CRTC1: variants seen among roughly 807,000 people sequenced by gnomAD.
The protein encoded by CRTC1 is CREB regulated transcription coactivator 1.
A neutral mutation model predicts 66.1 loss-of-function variants in CRTC1; 18 were observed. The observed-to-expected ratio is 0.27, with a 90% CI of 0.19 to 0.40. The LOEUF is 0.40. Ranked by LOEUF, CRTC1 falls within the 10% of genes least tolerant of loss-of-function variation. The probability of loss-of-function intolerance (pLI) is 1.00; values close to 1 mark genes in which losing one functional copy is unlikely to be tolerated. For missense variants in CRTC1, 669 were observed against 887.9 expected (o/e 0.75, Z 3.13); for synonymous variants, 416 against 398.8 (o/e 1.04, Z -0.51).
At chr19:18,743,291 C>T (rs1337305793) in intron 2 of CRTC1, among the ~76,000 whole-genome samples, 2 of 152,380 alleles carry the variant, frequency 1.3e-5, no homozygotes, top group Middle Eastern at 3.4e-3. Context: ...ACCTGTTGGC[C>T]GGCTGTGCGG....
At chr19:18,700,653 G>A (rs554131632) in intron 1 of CRTC1, among the ~76,000 whole-genome samples, 4 of 152,346 alleles carry the variant, frequency 2.6e-5, no homozygotes, top group African/African-American at 9.6e-5. Context: ...CATGCCAGCT[G>A]GTCATTCGCC....
intron 6 of CRTC1, among the ~76,000 whole-genome samples, chr19:18,755,254 G>A (rs189076834): frequency 1.3e-5 from 2 of 152,174 alleles, no homozygotes; most frequent in Non-Finnish European, 2.9e-5. Context: ...CTCCCAAAGT[G>A]CTGGGATGAC....
intron 1 of CRTC1, among the ~76,000 whole-genome samples, chr19:18,694,444 C>CT (rs2052935489): frequency 6.6e-6 from 1 of 152,070 alleles, no homozygotes; most frequent in African/African-American, 2.4e-5. Context: ...CCATTTATTC[C>CT]TTTTTTGTGG....
chr19:18,721,225 G>A (rs1251671968), intron 1 of CRTC1, among the ~76,000 whole-genome samples: 5 of 142,380 alleles, frequency 3.5e-5, no homozygotes, highest in Admixed American at 1.5e-4. Context: ...ACGGAGTCTC[G>A]CTCTGTCGTC....
intron 1 of CRTC1, among the ~76,000 whole-genome samples, chr19:18,708,619 G>A (rs2053317756): frequency 6.6e-6 from 1 of 152,184 alleles, no homozygotes; most frequent in South Asian, 2.1e-4. Context: ...GCGGCACTTG[G>A]GAGTTAGCTG....
At chr19:18,756,825 A>G (rs1315875254) in intron 6 of CRTC1, among the ~76,000 whole-genome samples, 2 of 152,142 alleles carry the variant, frequency 1.3e-5, no homozygotes, top group Admixed American at 1.3e-4. Context: ...TCAGAAATCC[A>G]TTAATGTCTC....
chr19:18,718,492 A>T (rs1362031682), intron 1 of CRTC1, among the ~76,000 whole-genome samples: 1 of 149,382 alleles, frequency 6.7e-6, no homozygotes, highest in East Asian at 2.0e-4. Context: ...GTGCACCACC[A>T]TGCATGCCTG....
chr19:18,733,571 T>G (rs1363047901), intron 1 of CRTC1, among the ~76,000 whole-genome samples: 1 of 152,206 alleles, frequency 6.6e-6, no homozygotes, highest in Non-Finnish European at 1.5e-5. Context: ...CAGCCTGGAA[T>G]CCACGTGCCC....
intron 1 of CRTC1, among the ~76,000 whole-genome samples, chr19:18,725,788 A>G (rs776113075): frequency 2.6e-5 from 4 of 151,972 alleles, no homozygotes; most frequent in Non-Finnish European, 5.9e-5. Context: ...CACAGCCTGC[A>G]TGGTCTCCCT....
intron 11 of CRTC1, among the ~76,000 whole-genome samples, chr19:18,774,538 G>A (rs889321336): frequency 2.0e-5 from 3 of 152,170 alleles, no homozygotes; most frequent in Non-Finnish European, 4.4e-5. Flanking sequence ...GGCACTTCCC[G>A]CCTTGGCCCT....
chr19:18,758,843 T>C (rs1304691574), intron 6 of CRTC1, among the ~76,000 whole-genome samples: 1 of 152,186 alleles, frequency 6.6e-6, no homozygotes, highest in Non-Finnish European at 1.5e-5. Flanking sequence ...TGGTGGGCAC[T>C]GGACAGAGGC....
chr19:18,736,913 G>T (rs2054009016), intron 1 of CRTC1, among the ~76,000 whole-genome samples: 2 of 152,170 alleles, frequency 1.3e-5, no homozygotes, highest in Non-Finnish European at 2.9e-5. Flanking sequence ...TGCAGAGCGA[G>T]CCCCAGGAAG....
At position 18,777,272 on chromosome 19, in the gene CRTC1, G is replaced by A; in HGVS notation, c.1795G>A (p.Glu599Lys). 3.1e-6 allele frequency: 5 copies of A among 1,612,296 alleles called. No homozygotes were observed. The highest frequency in any genetic ancestry group is 2.5e-6 in the Non-Finnish European group (3 of 1,179,942). ...CTCCGACAGCCAGTTTCCCCTGGAC[G>A]AACTCAAGATCGACCCCCTGACCCT... ...FDSDSQFPLD[E>K]LKIDPLTLDG... The change falls in exon 14 of 14, where the codon GAA (glutamate) becomes AAA (lysine). Residue 599 changes from glutamate (E) to lysine (K), a missense_variant. By Grantham distance (56) the Glu-to-Lys change is moderately conservative. This residue lies in a region of CRTC1 where 91 missense variants were observed against 99.1 expected (regional missense o/e 0.92). Coordinates refer to ENST00000321949, the MANE Select transcript of CRTC1 (RefSeq NM_015321.3). This position sits in a 1 kb window ranked among gnomAD's most constrained non-coding sequence, Gnocchi z 5.5.
At chr19:18,756,999 G>T (rs1438631714) in intron 6 of CRTC1, among the ~76,000 whole-genome samples, 2 of 152,202 alleles carry the variant, frequency 1.3e-5, no homozygotes, top group African/African-American at 4.8e-5. Context: ...CTTAACACCC[G>T]CCGGTCGCAC....
Position 18,747,127 on chromosome 19 carries a change from A to AGGGGGGGGGGGGGGGC in CRTC1, c.443+13_443+14insGGGGGGGGGGGGGGGC. On this transcript the variant is annotated intron_variant, in intron 4 of 13. Transcript: ENST00000321949. ...CCAGCTGGAGAAGGTCAGTGGCTGG[A>AGGGGGGGGGGGGGGGC]CACCCCCCCCCCGCCCCCTTCTTGT... The AGGGGGGGGGGGGGGGC allele has an allele frequency of 7.2e-7, 1 of 1,391,626 alleles. No individual in the cohort carries two copies. The highest frequency in any genetic ancestry group is 9.9e-7 in the Non-Finnish European group (1 of 1,009,540). The allele number at this position is 1,391,626 out of a possible 1,614,324, so 86.2% of individuals were successfully genotyped here.
Position 18,768,881 on chromosome 19 carries a change from G to A in CRTC1, c.1320+88G>A. 6.8e-7 allele frequency: 1 copy of A among 1,465,658 alleles called. No homozygotes were observed. The highest frequency in any genetic ancestry group is 2.4e-5 in the Admixed American group (1 of 41,550). The allele number at this position is 1,465,658 out of a possible 1,614,324, so 90.8% of individuals were successfully genotyped here. On this transcript the variant is annotated intron_variant, in intron 10 of 13. Coordinates refer to ENST00000321949, the MANE Select transcript of CRTC1 (RefSeq NM_015321.3). This position sits in a 1 kb window ranked among gnomAD's most constrained non-coding sequence, Gnocchi z 5.6. ...CTGCAGAACAGTCGGGTTACCTGCT[G>A]CATGGGCCAGGGGTCAGAACCCCAG...
At position 18,778,875 on chromosome 19, in the gene CRTC1, G is replaced by C. The variant is rs1601036629; in HGVS notation, c.*1493G>C. On this transcript the variant is annotated 3_prime_UTR_variant, in exon 14 of 14. Transcript: ENST00000321949. ...TAGCCCACACCCCCTCTCTTGGGCA[G>C]CGTGGTCTGCTGGCTGCCCCTTCTT... The C allele has an allele frequency of 2.2e-5, 5 of 231,274 alleles. No homozygotes were observed. In the East Asian group the frequency reaches 3.1e-4, roughly 14 times the overall value. 14.3% of individuals were successfully genotyped at this position (231,274 alleles called of 1,614,324 possible).
chr19:18,722,299 G>C (rs2053647356), intron 1 of CRTC1, among the ~76,000 whole-genome samples: 1 of 152,212 alleles, frequency 6.6e-6, no homozygotes, highest in African/African-American at 2.4e-5. Context: ...GTGCCTCCCA[G>C]CTGGCTTCAG....
intron 1 of CRTC1, among the ~76,000 whole-genome samples, chr19:18,711,697 G>A (rs562454756): frequency 1.3e-5 from 2 of 152,150 alleles, no homozygotes; most frequent in Admixed American, 6.5e-5. Context: ...GGGCAGTTCC[G>A]CCCATTCCCG....
Sources: gnomAD v4.1 joint callset for allele counts (sites outside exome capture counted in the v4.1 genomes callset) on GRCh38, gnomAD v4.1.1 for gene constraint, gnomAD v4.1.1 regional missense constraint, Gnocchi (gnomAD v3.1) non-coding constraint, MANE v1.5 for transcripts, NCBI Gene and HGNC (gene_info 2026-07-23, HGNC 2026-07-21) for gene names.